The following CREB5 variants were observed in gnomAD, a reference collection of about 807,000 sequenced individuals.
CREB5 encodes the protein cAMP responsive element binding protein 5, also known as cyclic AMP-responsive element-binding protein 5.
CREB5 carries 19 observed loss-of-function variants against 57.1 expected under a neutral mutation model. That is an observed-to-expected ratio of 0.33 (90% CI 0.23 to 0.49). The LOEUF is 0.49. Among genes scored for constraint, CREB5 ranks in the 20% least tolerant of loss-of-function variants. The pLI is 0.99. For missense variants in CREB5, 579 were observed against 671.6 expected (o/e 0.86, Z 1.52); for synonymous variants, 238 against 238.3 (o/e 1.00, Z 0.01).
chr7:28,628,213 C>T (rs1798074366), intron 5 of CREB5, among the ~76,000 whole-genome samples: 1 of 151,778 alleles, frequency 6.6e-6, no homozygotes, highest in Non-Finnish European at 1.5e-5. Flanking sequence ...TCTCGAGACC[C>T]TAAAGACTGA....
intron 3 of CREB5, among the ~76,000 whole-genome samples, chr7:28,507,275 A>G (rs974782381): frequency 3.3e-5 from 5 of 152,142 alleles, no homozygotes; most frequent in Non-Finnish European, 5.9e-5. Context: ...TTTAAAGTTC[A>G]AAATAAATAT....
At chr7:28,544,326 G>A (rs1325970105) in intron 4 of CREB5, among the ~76,000 whole-genome samples, 4 of 152,286 alleles carry the variant, frequency 2.6e-5, no homozygotes, top group Admixed American at 6.5e-5. Flanking sequence ...GGCTGGCTAC[G>A]TGAGGCTGTC....
chr7:28,382,492 C>T (rs1307866209), intron 1 of CREB5, among the ~76,000 whole-genome samples: 1 of 152,108 alleles, frequency 6.6e-6, no homozygotes, highest in Non-Finnish European at 1.5e-5. Context: ...GTGAGGTAGA[C>T]ACCCAAAAGC....
At chr7:28,593,960 G>C (rs773027439) in intron 5 of CREB5, among the ~76,000 whole-genome samples, 1 of 152,220 alleles carries the variant, frequency 6.6e-6, no homozygotes, top group Non-Finnish European at 1.5e-5. Flanking sequence ...AGTAACCACT[G>C]GTGGGTGAAG....
At chr7:28,752,893 T>A (rs1425461034) in intron 7 of CREB5, among the ~76,000 whole-genome samples, 2 of 127,730 alleles carry the variant, frequency 1.6e-5, no homozygotes, top group East Asian at 2.5e-4. Context: ...TCTAAAGGGA[T>A]TTTTTTTTTT....
At chr7:28,358,614 G>A (rs561007987) in intron 1 of CREB5, among the ~76,000 whole-genome samples, 1 of 152,232 alleles carries the variant, frequency 6.6e-6, no homozygotes, top group Non-Finnish European at 1.5e-5. Context: ...CCCAGCTGTC[G>A]AAGTCTTTCT....
intron 1 of CREB5, among the ~76,000 whole-genome samples, chr7:28,473,159 CA>C (rs1313761370): frequency 6.6e-6 from 1 of 151,974 alleles, no homozygotes; most frequent in East Asian, 1.9e-4. Context: ...CCCATCTCTA[CA>C]AAAAATAAAA....
At chr7:28,696,306 C>T (rs1801555385) in intron 5 of CREB5, among the ~76,000 whole-genome samples, 1 of 152,202 alleles carries the variant, frequency 6.6e-6, no homozygotes, top group Non-Finnish European at 1.5e-5. Context: ...TTCAGCTGTG[C>T]GGATGCACTG....
At chr7:28,534,446 G>A (rs1033425970) in intron 4 of CREB5, among the ~76,000 whole-genome samples, 1 of 152,174 alleles carries the variant, frequency 6.6e-6, no homozygotes, top group African/African-American at 2.4e-5. Context: ...AGGCTGAAGG[G>A]AAAACATCTT....
In CREB5 at chr7:28,821,253, A is replaced by G. The variant is rs534364521; in HGVS notation, c.*1974A>G. The G allele has an allele frequency of 5.5e-4, 84 of 152,210 alleles. No homozygotes were observed. The highest frequency in any genetic ancestry group is 1.9e-3 in the African/African-American group (79 of 41,540). The allele number at this position is 152,210 out of a possible 1,614,324, so 9.4% of individuals were successfully genotyped here. A position where few individuals can be genotyped will look rare whatever the true frequency, so the allele number is the denominator to read the frequency against. ...ATGTGTTTTTTTCTCTCACTATAGT[A>G]TAAGAATCTATTTTGGAGAAAAAAA... On this transcript the variant is annotated 3_prime_UTR_variant, in exon 11 of 11. Coordinates refer to ENST00000357727, the MANE Select transcript of CREB5 (RefSeq NM_182898.4).
chr7:28,493,257 G>T (rs1791883366), intron 2 of CREB5, among the ~76,000 whole-genome samples: 1 of 152,212 alleles, frequency 6.6e-6, no homozygotes, highest in South Asian at 2.1e-4. Context: ...ATTTGGAAAT[G>T]TTCAGCAGAA....
intron 4 of CREB5, among the ~76,000 whole-genome samples, chr7:28,560,829 C>CGCGT (rs1795087244): frequency 3.1e-5 from 2 of 65,174 alleles, no homozygotes; most frequent in Non-Finnish European, 6.2e-5. Context: ...TGTGCGCGCG[C>CGCGT]GCGCGTGTGT....
At chr7:28,744,329 C>T (rs1486020469) in intron 7 of CREB5, among the ~76,000 whole-genome samples, 19 of 141,856 alleles carry the variant, frequency 1.3e-4, no homozygotes, top group African/African-American at 4.9e-4. Flanking sequence ...CTCATTTTAC[C>T]TTTAGTACCT....
chr7:28,772,347 C>G (rs2128777250), intron 7 of CREB5, among the ~76,000 whole-genome samples: 1 of 152,262 alleles, frequency 6.6e-6, no homozygotes, highest in South Asian at 2.1e-4. Context: ...CTGCTTGAGG[C>G]AACACTGGGA....
At chr7:28,370,014 T>A (rs1419739417) in intron 1 of CREB5, among the ~76,000 whole-genome samples, 1 of 152,202 alleles carries the variant, frequency 6.6e-6, no homozygotes, top group East Asian at 1.9e-4. Flanking sequence ...ATGCTGTCTG[T>A]TAGTTGTACT....
intron 5 of CREB5, among the ~76,000 whole-genome samples, chr7:28,647,625 G>T (rs1798937865): frequency 6.6e-6 from 1 of 152,132 alleles, no homozygotes; most frequent in Non-Finnish European, 1.5e-5. Context: ...AAGTTGGCCA[G>T]GATAATTCTT....
intron 4 of CREB5, among the ~76,000 whole-genome samples, chr7:28,532,433 C>G (rs372402431): frequency 6.0e-4 from 92 of 152,300 alleles, no homozygotes; most frequent in African/African-American, 2.1e-3. Flanking sequence ...GCAGCAGCTG[C>G]ATTGCAAAAT....
Position 28,533,911 on chromosome 7 carries a change from C to T in CREB5, c.291+26174C>T, listed in dbSNP as rs535982059. 1.2e-4 allele frequency among the ~76,000 whole-genome samples: 19 copies of T among 152,266 alleles called. No individual in the cohort carries two copies. The East Asian group carries it at 2.1e-3, about 17-fold the overall frequency. On this transcript the variant is annotated intron_variant, in intron 4 of 10. Coordinates refer to ENST00000357727, the MANE Select transcript of CREB5 (RefSeq NM_182898.4). ...TTTTGAAATAAAAACCAAGTGTAAA[C>T]ATGAGTCAGAATGACAGGGCATATG...
chr7:28,819,319 G>T lies in CREB5; in HGVS notation c.*40G>T. On this transcript the variant is annotated 3_prime_UTR_variant, in exon 11 of 11. Coordinates refer to ENST00000357727, the MANE Select transcript of CREB5 (RefSeq NM_182898.4). ...CCTGGCCTCCAAGAAGAGCTGTAGC[G>T]TACCATGCGTCCTTTCTTTTAAGGG... is the stretch of plus-strand genomic sequence containing the variant. 1 of 1,583,190 alleles carries T rather than the reference G, an allele frequency of 6.3e-7. No homozygotes were observed. The highest frequency in any genetic ancestry group is 8.6e-7 in the Non-Finnish European group (1 of 1,164,988).
Sources: allele counts gnomAD v4.1 joint callset (sites outside exome capture counted in the v4.1 genomes callset), GRCh38; gene constraint gnomAD v4.1.1; transcripts MANE v1.5; gene names NCBI Gene and HGNC (gene_info 2026-07-23, HGNC 2026-07-21).